EVA1A: variants seen among roughly 807,000 people sequenced by gnomAD.
EVA1A encodes the protein eva-1 homolog A, regulator of programmed cell death, also known as protein eva-1 homolog A.
EVA1A carries 7 observed loss-of-function variants against 9.8 expected under a neutral mutation model. The ratio of observed to expected loss-of-function variants is 0.71; its 90% CI spans 0.41 to 1.34. The LOEUF is 1.34. EVA1A is among the 40% of genes most tolerant of loss of function. The probability of loss-of-function intolerance (pLI) is 0.01; values close to 1 mark genes in which losing one functional copy is unlikely to be tolerated. For missense variants in EVA1A, 206 were observed against 205.9 expected, an observed-to-expected ratio of 1.00 and a Z score of 0.00; for synonymous variants, 90 against 85.6, an observed-to-expected ratio of 1.05 and a Z score of -0.28.
intron 1 of EVA1A, among the ~76,000 whole-genome samples, chr2:75,532,897 C>A (rs1287918822): frequency 6.6e-6 from 1 of 152,126 alleles, no homozygotes; most frequent in Non-Finnish European, 1.5e-5. Flanking sequence ...AATCCCAGCA[C>A]TTTGGGAAGC....
Position 75,493,341 on chromosome 2 carries a change from C to G in EVA1A, c.354G>C (p.Leu118=). ...NKNVFTSAEE[L]ERAQRLEERE... is the part of the protein sequence containing the mutation. ...GCTCCTCCAGCCGCTGGGCGCGCTC[C>G]AGCTCCTCCGCAGAGGTGAACACAT... The change falls in exon 4 of 4, where the codon CTG becomes CTC. Residue 118 remains leucine, a synonymous_variant. Transcript: ENST00000393913. 1 of 1,614,200 alleles carries G rather than the reference C, an allele frequency of 6.2e-7. No individual in the cohort carries two copies. Among genetic ancestry groups the G allele is most frequent in the Non-Finnish European group, 8.5e-7 (1 of 1,180,030 alleles).
intron 1 of EVA1A, among the ~76,000 whole-genome samples, chr2:75,538,732 C>T (rs778060878): frequency 1.2e-4 from 18 of 152,176 alleles, no homozygotes; most frequent in Admixed American, 2.6e-4. Flanking sequence ...AATTTAAAAA[C>T]GCAATCCCAA....
chr2:75,520,480 G>C (rs1171248755), intron 2 of EVA1A, among the ~76,000 whole-genome samples: 1 of 152,108 alleles, frequency 6.6e-6, no homozygotes, highest in Non-Finnish European at 1.5e-5. Context: ...TGTAGGCCTA[G>C]CATATAAAAA....
chr2:75,518,681 T>G (rs1400662567), intron 2 of EVA1A: 5 of 987,632 alleles, frequency 5.1e-6, no homozygotes, highest in African/African-American at 1.7e-5. Flanking sequence ...TGGTTCACCT[T>G]TGAGGCACAG....
At chr2:75,517,226 G>A (rs1675041798) in intron 3 of EVA1A, among the ~76,000 whole-genome samples, 1 of 152,126 alleles carries the variant, frequency 6.6e-6, no homozygotes, top group Non-Finnish European at 1.5e-5. Context: ...ACCACCATGT[G>A]TCAACCCTGC....
At chr2:75,506,288 ATC>A (rs1293970623) in intron 3 of EVA1A, among the ~76,000 whole-genome samples, 1 of 152,212 alleles carries the variant, frequency 6.6e-6, no homozygotes, top group Non-Finnish European at 1.5e-5. Flanking sequence ...CAGGAAAGGA[ATC>A]TCTGTGTCAA....
chr2:75,518,935 G>A, intron 2 of EVA1A: 2 of 898,040 alleles, frequency 2.2e-6, no homozygotes, highest in Non-Finnish European at 2.7e-6. Flanking sequence ...AGCTCGAGCT[G>A]CTCCCTGCCT....
intron 1 of EVA1A, among the ~76,000 whole-genome samples, chr2:75,555,692 C>T (rs1186066732): frequency 2.0e-5 from 3 of 152,104 alleles, no homozygotes; most frequent in Non-Finnish European, 2.9e-5. Flanking sequence ...TAAATGCCCA[C>T]TCCATTGTCT....
chr2:75,537,836 C>T (rs1193270703), intron 1 of EVA1A, among the ~76,000 whole-genome samples: 3 of 152,166 alleles, frequency 2.0e-5, no homozygotes, highest in South Asian at 2.1e-4. Context: ...CTTAGTCTTC[C>T]GCTATGAGTA....
chr2:75,514,059 G>A (rs977272315), intron 3 of EVA1A, among the ~76,000 whole-genome samples: 2 of 152,150 alleles, frequency 1.3e-5, no homozygotes, highest in African/African-American at 4.8e-5. Flanking sequence ...ACATCATTTT[G>A]CTACAAAATA....
chr2:75,565,279 CT>C (rs201864258), upstream of EVA1A, among the ~76,000 whole-genome samples: 157 of 152,088 alleles, frequency 1.0e-3, no homozygotes, highest in Non-Finnish European at 1.7e-3. Flanking sequence ...ATGAGTAGGG[CT>C]TTTTTTTAAA....
intron 3 of EVA1A, among the ~76,000 whole-genome samples, chr2:75,498,651 ATAT>A (rs1432436106): frequency 6.6e-6 from 1 of 152,210 alleles, no homozygotes; most frequent in African/African-American, 2.4e-5. Context: ...TCTGTTTTAG[ATAT>A]TATTTAACAA....
chr2:75,498,402 G>A (rs1558669924), intron 3 of EVA1A, among the ~76,000 whole-genome samples: 1 of 151,844 alleles, frequency 6.6e-6, no homozygotes, highest in South Asian at 2.1e-4. Flanking sequence ...CTAAGTGATG[G>A]GATCATTCGT....
intron 1 of EVA1A, among the ~76,000 whole-genome samples, chr2:75,547,696 C>T (rs76148144): frequency 2.6e-5 from 4 of 152,308 alleles, no homozygotes; most frequent in Non-Finnish European, 4.4e-5. Flanking sequence ...TTCTCCCCAT[C>T]GTCCCTTCCT....
At chr2:75,501,407 T>A (rs1019196638) in intron 3 of EVA1A, among the ~76,000 whole-genome samples, 1 of 152,218 alleles carries the variant, frequency 6.6e-6, no homozygotes, top group Non-Finnish European at 1.5e-5. Context: ...ATTATGAGTA[T>A]GAAATAAAAA....
At chr2:75,529,832 G>T (rs2215871) in intron 1 of EVA1A, among the ~76,000 whole-genome samples, 35,830 of 151,956 alleles carry the variant, frequency 0.24, 4,473 homozygotes, top group African/African-American at 0.3. Context: ...CACACCTTAA[G>T]GAACTAGAGA....
intron 2 of EVA1A, among the ~76,000 whole-genome samples, chr2:75,521,500 C>T (rs1675228655): frequency 6.6e-6 from 1 of 152,192 alleles, no homozygotes; most frequent in African/African-American, 2.4e-5. Flanking sequence ...ATATTACGCA[C>T]AGCCTTAAAA....
At chr2:75,549,070 G>T (rs1676439942) in intron 1 of EVA1A, among the ~76,000 whole-genome samples, 1 of 148,222 alleles carries the variant, frequency 6.7e-6, no homozygotes, top group South Asian at 2.1e-4. Flanking sequence ...TATCACAGCT[G>T]TTGCTTTATG....
chr2:75,564,277 G>A (rs758139572), upstream of EVA1A, among the ~76,000 whole-genome samples: 26 of 152,214 alleles, frequency 1.7e-4, no homozygotes, highest in African/African-American at 5.1e-4. Flanking sequence ...CAGGCACAGC[G>A]TACAGCTCCA....
Sources: gnomAD v4.1 joint callset for allele counts (sites outside exome capture counted in the v4.1 genomes callset) on GRCh38, gnomAD v4.1.1 for gene constraint, MANE v1.5 for transcripts, NCBI Gene and HGNC (gene_info 2026-07-23, HGNC 2026-07-21) for gene names.